The following CIT variants were observed in gnomAD, a reference collection of about 807,000 sequenced individuals.
CIT encodes citron Rho-interacting kinase.
Under a neutral mutation model 272.7 loss-of-function variants are expected in CIT, and 79 were observed. That is an observed-to-expected ratio of 0.29 (90% CI 0.24 to 0.35). The LOEUF (loss-of-function observed/expected upper bound fraction) is 0.35, where lower values mean the gene tolerates loss of function less well. Among genes scored for constraint, CIT ranks in the 10% least tolerant of loss-of-function variants. The pLI is 1.00. For missense variants in CIT, 1,909 were observed against 2,618.3 expected, an observed-to-expected ratio of 0.73 and a Z score of 5.91; for synonymous variants, 948 against 995.6, an observed-to-expected ratio of 0.95 and a Z score of 0.90.
chr12:119,732,241 G>A (rs534153881), intron 26 of CIT, among the ~76,000 whole-genome samples: 7 of 152,150 alleles, frequency 4.6e-5, no homozygotes, highest in Non-Finnish European at 1.0e-4. Context: ...AGAAAGGCAC[G>A]ATCTTCCACA....
chr12:119,799,883 ATG>A (rs1966043003), intron 10 of CIT, among the ~76,000 whole-genome samples: 1 of 145,204 alleles, frequency 6.9e-6, no homozygotes, highest in East Asian at 2.0e-4. Flanking sequence ...AGTGTATTTT[ATG>A]TGTGCCTCAA....
At chr12:119,731,475 CAAAAAAA>C (rs34429031) in intron 26 of CIT, among the ~76,000 whole-genome samples, 2 of 108,040 alleles carry the variant, frequency 1.9e-5, no homozygotes, top group Non-Finnish European at 3.8e-5. Context: ...ACTCCATTCT[CAAAAAAA>C]AAAAAAAAAA....
In CIT at chr12:119,690,703, G is replaced by A. The variant is rs1167168370; in HGVS notation, c.5883-249C>T. ...TTCATTTACTGAGCACCTACTGTGT[G>A]CCAGGCCTGTGCTAAGTTCTTCATC... On this transcript the variant is annotated intron_variant, in intron 46 of 47. Coordinates refer to ENST00000392521, the MANE Select transcript of CIT (RefSeq NM_001206999.2). The surrounding 1 kb of genome is among the most constrained non-coding windows in gnomAD (Gnocchi z 6.0). 6.6e-6 allele frequency among the ~76,000 whole-genome samples: 1 copy of A among 152,224 alleles called. No individual in the cohort carries two copies. The highest frequency in any genetic ancestry group is 1.5e-5 in the Non-Finnish European group (1 of 68,038).
chr12:119,706,902 AAC>A (rs765871143), intron 40 of CIT, among the ~76,000 whole-genome samples: 82 of 152,336 alleles, frequency 5.4e-4, no homozygotes, highest in Non-Finnish European at 8.1e-4. Flanking sequence ...TACTCCCACC[AAC>A]AGTGTATAAG....
At chr12:119,844,732 T>C (rs1479869313) in intron 5 of CIT, among the ~76,000 whole-genome samples, 1 of 152,132 alleles carries the variant, frequency 6.6e-6, no homozygotes, top group Non-Finnish European at 1.5e-5. Context: ...CCATCAGTAA[T>C]ACCCAATTGA....
Position 119,782,588 on chromosome 12 carries a change from T to C in CIT, c.1595A>G (p.Asp532Gly). ...EQARMEVSQE[D>G]DKALQLLHDI... is the part of the protein sequence containing the mutation. Reference sequence around the variant, plus strand: ...ATGGAGAAGCTGCAGTGCTTTGTCATCCTCCTGGGACACCTCCATCCGTGC... The same window carrying C: ...ATGGAGAAGCTGCAGTGCTTTGTCACCCTCCTGGGACACCTCCATCCGTGC... Residue 532 changes from aspartate to glycine, a missense_variant, in exon 13 of 48, where the codon GAT (aspartate) becomes GGT (glycine). Coordinates refer to ENST00000392521, the MANE Select transcript of CIT (RefSeq NM_001206999.2). 1 of 1,614,200 alleles carries C rather than the reference T, an allele frequency of 6.2e-7. No individual in the cohort carries two copies.
At chr12:119,821,113 T>C (rs1478115104) in intron 9 of CIT, among the ~76,000 whole-genome samples, 2 of 88,148 alleles carry the variant, frequency 2.3e-5, no homozygotes, top group African/African-American at 7.8e-5. Flanking sequence ...CTGACCAACA[T>C]GGAAAAACCC....
intron 7 of CIT, among the ~76,000 whole-genome samples, chr12:119,830,114 T>C (rs1968503852): frequency 6.7e-6 from 1 of 149,718 alleles, no homozygotes; most frequent in Non-Finnish European, 1.5e-5. Flanking sequence ...CTTGACTTGA[T>C]CTAGTGTGCA....
intron 5 of CIT, among the ~76,000 whole-genome samples, chr12:119,835,428 C>A (rs1025907267): frequency 3.9e-5 from 6 of 152,156 alleles, no homozygotes; most frequent in African/African-American, 2.4e-5. Context: ...ACTGCATGAT[C>A]CTTTCTGCTC....
At chr12:119,717,834 C>CTTGCTTTTTTTTTTTTTTT (rs1957596158) in intron 32 of CIT, among the ~76,000 whole-genome samples, 2 of 70,244 alleles carry the variant, frequency 2.8e-5, no homozygotes. Flanking sequence ...AGACTGACTT[C>CTTGCTTTTTTTTTTTTTTT]TTTCTTTTTT....
Position 119,825,306 on chromosome 12 carries a change from C to T in CIT, c.816G>A (p.Met272Ile). Residue 272 changes from methionine to isoleucine, a missense_variant, in exon 8 of 48, where the codon ATG (methionine) becomes ATA (isoleucine). Met to Ile is a conservative substitution (Grantham distance 10). Around this residue, in one of 8 missense-constraint regions of CIT, gnomAD observed 529 missense variants for 549.6 expected, o/e 0.96. Transcript: ENST00000392521. ...DYMAPEVLTV[M>I]NGDGKGTYGL... The stretch of plus-strand genomic sequence containing the variant: ...CGTAGGTGCCTTTTCCATCCCCGTT[C>T]ATCACAGTCAGCACTTCAGGAGCCA... The T allele has an allele frequency of 6.2e-7, 1 of 1,614,126 alleles. No homozygotes were observed. Among genetic ancestry groups the T allele is most frequent in the Non-Finnish European group, 8.5e-7 (1 of 1,180,018 alleles).
chr12:119,720,641 G>A, intron 29 of CIT, 56 bp from the exon 30 acceptor site: 1 of 1,323,128 alleles, frequency 7.6e-7, no homozygotes, highest in Non-Finnish European at 1.0e-6. Flanking sequence ...TACTTTTAAA[G>A]TTGGTACTTT....
intron 22 of CIT, among the ~76,000 whole-genome samples, chr12:119,753,356 C>T (rs1017873495): frequency 6.6e-6 from 1 of 152,154 alleles, no homozygotes; most frequent in Non-Finnish European, 1.5e-5. Flanking sequence ...AGAGAAGAAA[C>T]ACTTGCAAAA....
intron 16 of CIT, 115 bp downstream of exon 16, chr12:119,775,671 T>G: frequency 1.4e-6 from 1 of 738,624 alleles, no homozygotes; most frequent in South Asian, 1.7e-5. Context: ...TTCATTTTCC[T>G]CAGCGCTGGG....
intron 9 of CIT, chr12:119,803,988 C>CT (rs112424246): frequency 0.066 from 12,011 of 181,506 alleles, 623 homozygotes; most frequent in African/African-American, 0.18. Context: ...TTATTAACCA[C>CT]TTTTTTTTTT....
intron 5 of CIT, among the ~76,000 whole-genome samples, chr12:119,848,331 C>A (rs1017482735): frequency 1.8e-4 from 27 of 152,156 alleles, no homozygotes; most frequent in African/African-American, 6.0e-4. Context: ...TCCCCAAAAA[C>A]GGGCCAGTAG....
intron 28 of CIT, 70 bp from the exon 29 acceptor site, chr12:119,721,519 A>G: frequency 7.2e-7 from 1 of 1,382,696 alleles, no homozygotes; most frequent in East Asian, 2.5e-5. Context: ...TGCTGTTCCT[A>G]TTTCAAACTA....
intron 32 of CIT, among the ~76,000 whole-genome samples, chr12:119,714,995 G>A (rs1040038064): frequency 6.6e-6 from 1 of 152,234 alleles, no homozygotes; most frequent in Non-Finnish European, 1.5e-5. Context: ...AATTGCAGCT[G>A]CCATAATTCC....
At chr12:119,730,280 G>A (rs183349875) in intron 27 of CIT, among the ~76,000 whole-genome samples, 7 of 152,110 alleles carry the variant, frequency 4.6e-5, no homozygotes, top group East Asian at 1.9e-4. Context: ...GTCACTGGCC[G>A]ACTGTGATCA....
Sources: gnomAD v4.1 joint callset for allele counts (sites outside exome capture counted in the v4.1 genomes callset) on GRCh38, gnomAD v4.1.1 for gene constraint, gnomAD v4.1.1 regional missense constraint, Gnocchi (gnomAD v3.1) non-coding constraint, MANE v1.5 for transcripts, NCBI Gene and HGNC (gene_info 2026-07-23, HGNC 2026-07-21) for gene names.